Variants in TMEM91 observed in about 807,000 individuals in gnomAD.
TMEM91 encodes dispanin subfamily C member 3.
In TMEM91, 6 loss-of-function variants were observed where a neutral mutation model predicts 13.3. The observed-to-expected ratio is 0.45, with a 90% CI of 0.25 to 0.89. The LOEUF is 0.89. Ranked by LOEUF, TMEM91 falls within the 40% of genes least tolerant of loss-of-function variation. The probability of loss-of-function intolerance (pLI) is 0.19; values close to 1 mark genes in which losing one functional copy is unlikely to be tolerated. For synonymous variants in TMEM91, 87 were observed against 101.7 expected, an observed-to-expected ratio of 0.86 and a Z score of 0.87; for missense variants, 193 against 228.7, an observed-to-expected ratio of 0.84 and a Z score of 1.01.
chr19:41,375,297 T>TTTA (rs869066634), upstream of TMEM91, among the ~76,000 whole-genome samples: 1 of 113,366 alleles, frequency 8.8e-6, no homozygotes, highest in Non-Finnish European at 1.8e-5. Context: ...TTTTTTTTTT[T>TTTA]TGAGACGGAG....
In TMEM91 at chr19:41,383,925, T is replaced by C. The variant is rs762903276; in HGVS notation, c.*52T>C. 6.3e-7 allele frequency: 1 copy of C among 1,574,954 alleles called. No individual in the cohort carries two copies. Among genetic ancestry groups the C allele is most frequent in the Non-Finnish European group, 8.6e-7 (1 of 1,165,816 alleles). ...CCTGAGGCCGGCAGCCCAGCAAATC[T>C]GTGGGCAGAGAGTGGAGAATCTTGG... On this transcript the variant is annotated 3_prime_UTR_variant, in exon 4 of 4. Coordinates refer to ENST00000392002, the MANE Select transcript of TMEM91 (RefSeq NM_001098821.2).
chr19:41,369,432 A>G (rs189372286), intron 1 of TMEM91, among the ~76,000 whole-genome samples: 2 of 150,752 alleles, frequency 1.3e-5, no homozygotes, highest in African/African-American at 4.9e-5. Flanking sequence ...CCTTGAGTGC[A>G]GGAAGTCCAG....
intron 2 of TMEM91, among the ~76,000 whole-genome samples, chr19:41,379,626 AGAAG>A (rs896250322): frequency 5.3e-5 from 8 of 151,652 alleles, no homozygotes; most frequent in African/African-American, 1.7e-4. Flanking sequence ...AAAGAGAGAA[AGAAG>A]GAAGGAAGAA....
At chr19:41,371,929 C>T (rs1024644742), upstream of TMEM91, among the ~76,000 whole-genome samples, 9 of 151,920 alleles carry the variant, frequency 5.9e-5, no homozygotes, top group Non-Finnish European at 1.3e-4. Context: ...GACTATAGTG[C>T]AGTGGCTATC....
rs2038958491 is a variant in TMEM91, at chr19:41,384,015, C to T, written c.*142C>T. On this transcript the variant is annotated 3_prime_UTR_variant, in exon 4 of 4. Coordinates refer to ENST00000392002, the MANE Select transcript of TMEM91 (RefSeq NM_001098821.2). ...GGAGCGAGCTGGACTGGAACCCTTCCCCTTCCTGGCCACCGCTCTTCGGGC... is the reference window on the plus strand; with the variant it reads ...GGAGCGAGCTGGACTGGAACCCTTCTCCTTCCTGGCCACCGCTCTTCGGGC... The T allele has an allele frequency of 2.9e-6, 4 of 1,384,532 alleles. No homozygotes were observed. In the South Asian group the frequency reaches 6.1e-5, roughly 21 times the overall value. The allele number at this position is 1,384,532 out of a possible 1,614,324, so 85.8% of individuals were successfully genotyped here.
At chr19:41,364,665 A>G (rs2038484382) in intron 1 of TMEM91, among the ~76,000 whole-genome samples, 1 of 151,976 alleles carries the variant, frequency 6.6e-6, no homozygotes, top group Non-Finnish European at 1.5e-5. Flanking sequence ...GATAAGTCCA[A>G]CTTCCTTCTC....
In TMEM91 at chr19:41,383,747, G is replaced by C. The variant is rs752432063; in HGVS notation, c.393G>C (p.Gln131His). 4 of 1,608,284 alleles carry C rather than the reference G, an allele frequency of 2.5e-6. 1 individual carries two copies. In the African/African-American group the frequency reaches 5.4e-5, roughly 22 times the overall value. ...AGGCTTGGGCCAAGGGGGACATCCA[G>C]GGGGCAGGGGCCGCCTCCCGCCGTG... is the stretch of plus-strand genomic sequence containing the variant. ...TNKAWAKGDI[Q>H]GAGAASRRAF... The change falls in exon 4 of 4, where the codon CAG becomes CAC. Residue 131 changes from glutamine (Q) to histidine (H), a missense_variant. Coordinates refer to ENST00000392002, the MANE Select transcript of TMEM91 (RefSeq NM_001098821.2).
chr19:41,375,587 GTTTC>G (rs1430659476), upstream of TMEM91, among the ~76,000 whole-genome samples: 3 of 146,970 alleles, frequency 2.0e-5, no homozygotes, highest in Admixed American at 1.4e-4. Flanking sequence ...CCGTGAGCCC[GTTTC>G]TTTATCTGCA....
intron 1 of TMEM91, among the ~76,000 whole-genome samples, chr19:41,377,918 G>A (rs537057413): frequency 6.6e-6 from 1 of 151,888 alleles, no homozygotes; most frequent in Non-Finnish European, 1.5e-5. Context: ...TCGGGAGGCT[G>A]AGGCAGAATG....
rs2038958366 is a variant in TMEM91, at chr19:41,384,006, GA to G, written c.*135del. 2.1e-6 allele frequency: 3 copies of G among 1,434,352 alleles called. No individual in the cohort carries two copies. The highest frequency in any genetic ancestry group is 2.8e-6 in the Non-Finnish European group (3 of 1,088,566). The allele number at this position is 1,434,352 out of a possible 1,614,324, so 88.9% of individuals were successfully genotyped here. On this transcript the variant is annotated 3_prime_UTR_variant, in exon 4 of 4. Transcript: ENST00000392002. ...CTAGAAACGGGAGCGAGCTGGACTGGAACCCTTCCCCTTCCTGGCCACCGCT... is the reference window on the plus strand; with the variant it reads ...CTAGAAACGGGAGCGAGCTGGACTGGACCCTTCCCCTTCCTGGCCACCGCT...
Position 41,378,810 on chromosome 19 carries a change from T to TTG in TMEM91, c.210+304_210+305dup, listed in dbSNP as rs755303325. On this transcript the variant is annotated intron_variant, in intron 2 of 3. Transcript: ENST00000392002. ...TTTGTCCACCCTGCTGTCTCCCTCT[T>TTG]TGTGTGTGTGTGTGAGAGAGAGAGA... Among the ~76,000 whole-genome samples, 280 of 148,202 alleles carry TTG rather than the reference T, an allele frequency of 1.9e-3. 7 individuals carry two copies. In the East Asian group the frequency reaches 0.039, roughly 21 times the overall value.
intron 3 of TMEM91, 146 bp downstream of exon 3, chr19:41,383,067 A>G (rs2038930526): frequency 8.0e-7 from 1 of 1,251,826 alleles, no homozygotes. Context: ...ACTCTCTGCA[A>G]GATTTTTTTT....
rs1568494771 is a variant in TMEM91 at position 41,384,055 on chromosome 19, A to T, written c.*182A>T. ...GCTCTTCGGGCGGCAGCAACCTGAG[A>T]TTAAACACCAGACACCCTTGCAGCC... On this transcript the variant is annotated 3_prime_UTR_variant, in exon 4 of 4. Coordinates refer to ENST00000392002, the MANE Select transcript of TMEM91 (RefSeq NM_001098821.2). 1 of 1,107,792 alleles carries T rather than the reference A, an allele frequency of 9.0e-7. No homozygotes were observed. The highest frequency in any genetic ancestry group is 1.6e-5 in the African/African-American group (1 of 61,396). The allele number at this position is 1,107,792 out of a possible 1,614,324, so 68.6% of individuals were successfully genotyped here. A position where few individuals can be genotyped will look rare whatever the true frequency, so the allele number is the denominator to read the frequency against.
chr19:41,368,453 A>G (rs897975852), intron 1 of TMEM91, among the ~76,000 whole-genome samples: 1 of 149,114 alleles, frequency 6.7e-6, no homozygotes, highest in Non-Finnish European at 1.5e-5. Flanking sequence ...GGTTTTTTTG[A>G]GACAGAGTCT....
In TMEM91 at chr19:41,378,484, G is replaced by C. The variant is rs201356483; in HGVS notation, c.175G>C (p.Ala59Pro). Residue 59 changes from alanine to proline, a missense_variant, in exon 2 of 4, where the codon GCT becomes CCT. Ala to Pro is a conservative substitution (Grantham distance 27, BLOSUM62 -1). Coordinates refer to ENST00000392002, the MANE Select transcript of TMEM91 (RefSeq NM_001098821.2). ...FLSPPLPSVSAGLGEPRPPDV... is the reference protein window; with the variant it reads ...FLSPPLPSVSPGLGEPRPPDV... Reference sequence around the variant, plus strand: ...GTCACCGCCTCTTCCCTCCGTGAGCGCTGGCCTGGGGGAACCAAGGCCCCC... The same window carrying C: ...GTCACCGCCTCTTCCCTCCGTGAGCCCTGGCCTGGGGGAACCAAGGCCCCC... The C allele has an allele frequency of 1.1e-4, 177 of 1,614,112 alleles. 1 individual carries two copies. The African/African-American group carries it at 1.7e-3, about 16-fold the overall frequency.
At chr19:41,370,388 TTTTATTTTA>T (rs1415633517) in intron 1 of TMEM91, among the ~76,000 whole-genome samples, 1 of 134,072 alleles carries the variant, frequency 7.5e-6, no homozygotes, top group Non-Finnish European at 1.6e-5. Context: ...ATTTATTTAT[TTTTATTTTA>T]TTTATTTATT....
At chr19:41,374,859 T>C (rs1265104029), upstream of TMEM91, among the ~76,000 whole-genome samples, 1 of 152,170 alleles carries the variant, frequency 6.6e-6, no homozygotes, top group Non-Finnish European at 1.5e-5. Flanking sequence ...GGCGCATTCC[T>C]GTAATCCTAA....
chr19:41,374,590 A>G (rs549040844), upstream of TMEM91, among the ~76,000 whole-genome samples: 1 of 152,284 alleles, frequency 6.6e-6, no homozygotes, highest in African/African-American at 2.4e-5. Flanking sequence ...ATGTTATCAC[A>G]TAAGAGGCAA....
chr19:41,381,388 TCTCA>T (rs771579239), intron 2 of TMEM91, among the ~76,000 whole-genome samples: 2 of 135,016 alleles, frequency 1.5e-5, no homozygotes, highest in Non-Finnish European at 3.1e-5. Context: ...TGAGATGGAG[TCTCA>T]CTCTGTCGCC....
Sources: allele counts gnomAD v4.1 joint callset (sites outside exome capture counted in the v4.1 genomes callset), GRCh38; gene constraint gnomAD v4.1.1; transcripts MANE v1.5; gene names NCBI Gene and HGNC (gene_info 2026-07-23, HGNC 2026-07-21).